The following CELF2 variants were observed in gnomAD, a reference collection of about 807,000 sequenced individuals.
CELF2 encodes the protein CUGBP Elav-like family member 2, also known as CUG triplet repeat RNA-binding protein 2.
A neutral mutation model predicts 62.6 loss-of-function variants in CELF2; 8 were observed. The observed-to-expected ratio is 0.13, with a 90% CI of 0.07 to 0.23. CELF2 has a LOEUF of 0.23. Among genes scored for constraint, CELF2 ranks in the 10% least tolerant of loss-of-function variants. CELF2 has a pLI of 1.00. For synonymous variants in CELF2, 258 were observed against 250.0 expected (o/e 1.03, Z -0.30); for missense variants, 333 against 671.0 (o/e 0.50, Z 5.56).
chr10:10,504,488 A>C, the CELF2 span, among the ~76,000 whole-genome samples: 1 of 152,060 alleles, frequency 6.6e-6, no homozygotes, highest in Non-Finnish European at 1.5e-5. Context: ...TGCTTTCAAG[A>C]TGTTTATCTT....
chr10:11,059,418 G>A (rs114290111), intron 1 of CELF2, among the ~76,000 whole-genome samples: 2 of 124,524 alleles, frequency 1.6e-5, no homozygotes, highest in Admixed American at 7.8e-5. Context: ...ATTTAAGACC[G>A]TTTACCAAAC....
At chr10:10,942,881 A>G (rs530842228) in intron 2 of CELF2, among the ~76,000 whole-genome samples, 2 of 152,340 alleles carry the variant, frequency 1.3e-5, no homozygotes, top group East Asian at 3.9e-4. Context: ...TCAAGAAAAT[A>G]TGATGATCAG....
chr10:10,896,554 A>G (rs1408697843), intron 1 of CELF2, among the ~76,000 whole-genome samples: 3 of 151,756 alleles, frequency 2.0e-5, no homozygotes, highest in Non-Finnish European at 4.4e-5. Flanking sequence ...CAGTATTCTT[A>G]TAAGAAGAAA....
chr10:11,129,484 T>A (rs1459140932), intron 1 of CELF2, among the ~76,000 whole-genome samples: 1 of 152,222 alleles, frequency 6.6e-6, no homozygotes, highest in East Asian at 1.9e-4. Context: ...TCTGGTAGAA[T>A]TCAGCTGTGA....
the CELF2 span, among the ~76,000 whole-genome samples, chr10:10,717,927 T>C: frequency 6.6e-6 from 1 of 152,250 alleles, no homozygotes; most frequent in Admixed American, 6.5e-5. Flanking sequence ...TTATTATAAA[T>C]AATTAAAATA....
intron 1 of CELF2, among the ~76,000 whole-genome samples, chr10:11,125,747 T>C (rs1244797424): frequency 6.6e-6 from 1 of 152,234 alleles, no homozygotes; most frequent in Non-Finnish European, 1.5e-5. Context: ...CTTAAATCCC[T>C]ACTGCCCCCA....
the CELF2 span, among the ~76,000 whole-genome samples, chr10:10,587,125 A>G: frequency 1.3e-5 from 2 of 152,154 alleles, no homozygotes; most frequent in Admixed American, 6.5e-5. Context: ...TTGTCATGCT[A>G]CTATTTGGTG....
intron 5 of CELF2, among the ~76,000 whole-genome samples, chr10:11,265,260 G>A (rs767456772): frequency 6.6e-6 from 1 of 152,182 alleles, no homozygotes; most frequent in Non-Finnish European, 1.5e-5. Context: ...ATCTCACATC[G>A]TTGATGCCAG....
At chr10:10,651,625 C>T in the CELF2 span, among the ~76,000 whole-genome samples, 163 of 146,458 alleles carry the variant, frequency 1.1e-3, 1 homozygote, top group South Asian at 0.012. Flanking sequence ...ACACCTCACA[C>T]GGCAGGGTAT....
At chr10:11,128,238 A>G (rs2059045550) in intron 1 of CELF2, among the ~76,000 whole-genome samples, 1 of 152,102 alleles carries the variant, frequency 6.6e-6, no homozygotes, top group Non-Finnish European at 1.5e-5. Context: ...CCATTGGTCT[A>G]TATCTCTGTT....
intron 1 of CELF2, among the ~76,000 whole-genome samples, chr10:11,069,508 C>T (rs1167801546): frequency 6.6e-6 from 1 of 152,194 alleles, no homozygotes; most frequent in Non-Finnish European, 1.5e-5. Flanking sequence ...GTAGGGAGTA[C>T]TTCATCATGC....
intron 1 of CELF2, among the ~76,000 whole-genome samples, chr10:10,857,104 G>A (rs1021924368): frequency 6.6e-6 from 1 of 152,086 alleles, no homozygotes; most frequent in Non-Finnish European, 1.5e-5. Flanking sequence ...AATGAGTGGA[G>A]TAGACCAAGA....
rs531330846 is a variant in CELF2, at chr10:10,983,487, T to C, written c.89+63488T>C. Among the ~76,000 whole-genome samples the C allele has an allele frequency of 1.3e-5, 2 of 152,366 alleles. No homozygotes were observed. Among genetic ancestry groups the C allele is most frequent in the Admixed American group, 1.3e-4 (2 of 15,312 alleles). On this transcript the variant is annotated intron_variant, in intron 2 of 13. Coordinates refer to the CELF2 transcript ENST00000636488. The surrounding 1 kb of genome is among the most constrained non-coding windows in gnomAD (Gnocchi z 5.2). ...TTCTTGTACTGGACTCAATTCAGTC[T>C]GTAATTTTTACTGAGTCCCTACAAA...
At chr10:10,577,999 C>T in the CELF2 span, among the ~76,000 whole-genome samples, 3 of 152,214 alleles carry the variant, frequency 2.0e-5, no homozygotes, top group East Asian at 5.8e-4. Flanking sequence ...GTTCCTGTTT[C>T]TCCACATCCT....
At chr10:10,850,116 T>G (rs7910683) in intron 1 of CELF2, among the ~76,000 whole-genome samples, 52,373 of 151,948 alleles carry the variant, frequency 0.34, 10,514 homozygotes, top group East Asian at 0.74. Context: ...GCCACTGTAC[T>G]CCAGCCCAGG....
chr10:10,683,164 A>T, the CELF2 span, among the ~76,000 whole-genome samples: 1 of 152,218 alleles, frequency 6.6e-6, no homozygotes, highest in Non-Finnish European at 1.5e-5. Flanking sequence ...CAAAGAAGAC[A>T]TGAACAGCGT....
the CELF2 span, among the ~76,000 whole-genome samples, chr10:10,560,343 A>G: frequency 7.9e-4 from 121 of 152,338 alleles, 1 homozygote; most frequent in East Asian, 0.011. Flanking sequence ...TCTTGTGACA[A>G]TATTATGGAT....
chr10:10,912,669 A>C (rs28406059), intron 1 of CELF2, among the ~76,000 whole-genome samples: 1 of 152,200 alleles, frequency 6.6e-6, no homozygotes, highest in Admixed American at 6.5e-5. Context: ...CGCCCAGCCA[A>C]CGGGGCTTTT....
chr10:10,711,857 T>G, the CELF2 span, among the ~76,000 whole-genome samples: 1 of 152,084 alleles, frequency 6.6e-6, no homozygotes, highest in Non-Finnish European at 1.5e-5. Flanking sequence ...ACTCTAGCCT[T>G]GGAGACAGAG....
Sources: allele counts gnomAD v4.1 joint callset (sites outside exome capture counted in the v4.1 genomes callset), GRCh38; gene constraint gnomAD v4.1.1; non-coding constraint Gnocchi (gnomAD v3.1); transcripts MANE v1.5; gene names NCBI Gene and HGNC (gene_info 2026-07-23, HGNC 2026-07-21).